The following ANO6 variants were observed in gnomAD, a reference collection of about 807,000 sequenced individuals.
ANO6 encodes the protein anoctamin-6.
In ANO6, 106 loss-of-function variants were observed where a neutral mutation model predicts 117.5. The ratio of observed to expected loss-of-function variants is 0.90; its 90% CI spans 0.77 to 1.06. The LOEUF (loss-of-function observed/expected upper bound fraction) is 1.06. ANO6 is among the 50% of genes least tolerant of loss of function. The pLI, the probability that ANO6 is intolerant of heterozygous loss-of-function variation, is 0.00. For synonymous variants in ANO6, 367 were observed against 385.1 expected (o/e 0.95, Z 0.55); for missense variants, 955 against 1,121.1 (o/e 0.85, Z 2.12).
chr12:45,274,915 T>C (rs1033773727), intron 1 of ANO6, among the ~76,000 whole-genome samples: 1 of 150,594 alleles, frequency 6.6e-6, no homozygotes, highest in African/African-American at 2.5e-5. Flanking sequence ...ACCCCTGACT[T>C]ATCTATCTAA....
chr12:45,377,901 C>T, intron 9 of ANO6, 152 bp from the exon 10 acceptor site: 1 of 748,736 alleles, frequency 1.3e-6, no homozygotes, highest in South Asian at 1.5e-5. Flanking sequence ...GTAGTGGATA[C>T]ATTGAATGAT....
chr12:45,330,336 G>A (rs2137397543), intron 2 of ANO6, among the ~76,000 whole-genome samples: 1 of 152,232 alleles, frequency 6.6e-6, no homozygotes, highest in African/African-American at 2.4e-5. Flanking sequence ...CGATAATGAA[G>A]AGGAGAATTA....
downstream of ANO6, among the ~76,000 whole-genome samples, chr12:45,435,797 A>G (rs956533192): frequency 6.6e-6 from 1 of 152,180 alleles, no homozygotes; most frequent in Non-Finnish European, 1.5e-5. Flanking sequence ...TGCCTATGAT[A>G]TGGGAAAAGA....
chr12:45,277,247 G>A (rs1938583258), intron 1 of ANO6, among the ~76,000 whole-genome samples: 1 of 152,140 alleles, frequency 6.6e-6, no homozygotes, highest in African/African-American at 2.4e-5. Flanking sequence ...TTCCACAGAT[G>A]AGCTATATAA....
chr12:45,241,553 C>G (rs965278795), intron 1 of ANO6, among the ~76,000 whole-genome samples: 6 of 152,304 alleles, frequency 3.9e-5, no homozygotes, highest in African/African-American at 1.2e-4. Context: ...CTACTTCTGT[C>G]AACTCGTCAA....
intron 1 of ANO6, among the ~76,000 whole-genome samples, chr12:45,268,357 C>T (rs1336971604): frequency 6.6e-6 from 1 of 151,814 alleles, no homozygotes; most frequent in Non-Finnish European, 1.5e-5. Flanking sequence ...CCCATCTCTA[C>T]AAAAATACAA....
rs143101456 is a variant in ANO6, at chr12:45,269,789, C to T, written c.71-32225C>T. Among the ~76,000 whole-genome samples, 369 of 152,250 alleles carry T rather than the reference C, an allele frequency of 2.4e-3. 5 individuals are homozygous for T. The highest frequency in any genetic ancestry group is 8.1e-3 in the East Asian group (42 of 5,180). On this transcript the variant is annotated intron_variant, in intron 1 of 19. Coordinates refer to ENST00000320560, the MANE Select transcript of ANO6 (RefSeq NM_001025356.3). ...CACACAGCCATGTGTGGTACAGTCC[C>T]GTTTAAGATCCTTCGGTGGCCTTTG...
At chr12:45,284,744 A>G (rs1276000089) in intron 1 of ANO6, among the ~76,000 whole-genome samples, 2 of 152,220 alleles carry the variant, frequency 1.3e-5, no homozygotes, top group East Asian at 3.9e-4. Context: ...TGCTTAGCTC[A>G]TCCTGCATGC....
intron 9 of ANO6, among the ~76,000 whole-genome samples, chr12:45,375,518 T>A (rs1173260273): frequency 4.3e-4 from 64 of 147,456 alleles, no homozygotes; most frequent in African/African-American, 9.6e-4. Context: ...TATAGATCAA[T>A]GGAACAGAAC....
intron 1 of ANO6, among the ~76,000 whole-genome samples, chr12:45,284,967 T>A (rs1357219354): frequency 6.6e-6 from 1 of 152,240 alleles, no homozygotes; most frequent in Non-Finnish European, 1.5e-5. Context: ...GTAATTAACA[T>A]GTTAAGTGCA....
At chr12:45,223,043 C>G (rs538946287) in intron 1 of ANO6, among the ~76,000 whole-genome samples, 1 of 152,202 alleles carries the variant, frequency 6.6e-6, no homozygotes, top group Admixed American at 6.5e-5. Flanking sequence ...CCTGGGAGGG[C>G]GTGAAAACTC....
intron 15 of ANO6, among the ~76,000 whole-genome samples, chr12:45,409,061 A>G (rs1266510053): frequency 6.6e-6 from 1 of 152,226 alleles, no homozygotes; most frequent in Non-Finnish European, 1.5e-5. Context: ...ATGAAAAAAC[A>G]AACAACTGAA....
chr12:45,347,146 C>T, intron 4 of ANO6, 59 bp downstream of exon 4: 2 of 1,520,048 alleles, frequency 1.3e-6, no homozygotes, highest in Admixed American at 3.3e-5. Flanking sequence ...AGCTTCGTGC[C>T]ACTTGGAATA....
intron 2 of ANO6, among the ~76,000 whole-genome samples, chr12:45,304,073 C>T (rs1939586791): frequency 2.0e-5 from 3 of 152,194 alleles, no homozygotes; most frequent in Non-Finnish European, 2.9e-5. Flanking sequence ...TTTCACACAT[C>T]TGATGCTCAT....
At chr12:45,227,135 C>G (rs1345518240) in intron 1 of ANO6, among the ~76,000 whole-genome samples, 2 of 151,852 alleles carry the variant, frequency 1.3e-5, no homozygotes, top group Non-Finnish European at 2.9e-5. Flanking sequence ...ATTACAGGTG[C>G]ACGCCACCAT....
chr12:45,250,914 A>G (rs1947891822), intron 1 of ANO6, among the ~76,000 whole-genome samples: 1 of 151,982 alleles, frequency 6.6e-6, no homozygotes. Flanking sequence ...GAGTTCATAT[A>G]ATAACAAAAT....
At chr12:45,332,010 C>G (rs1423469897) in intron 3 of ANO6, among the ~76,000 whole-genome samples, 1 of 151,968 alleles carries the variant, frequency 6.6e-6, no homozygotes, top group African/African-American at 2.4e-5. Flanking sequence ...CTGTTACCTC[C>G]CTTTCATTCA....
At chr12:45,257,250 T>C (rs1304950647) in intron 1 of ANO6, among the ~76,000 whole-genome samples, 3 of 152,178 alleles carry the variant, frequency 2.0e-5, no homozygotes, top group Admixed American at 6.5e-5. Context: ...ACACTTGCAG[T>C]TTCAGATCTG....
intron 1 of ANO6, among the ~76,000 whole-genome samples, chr12:45,261,113 C>T (rs1340734439): frequency 1.3e-5 from 2 of 152,046 alleles, no homozygotes; most frequent in South Asian, 2.1e-4. Context: ...AGCCACCATG[C>T]CAGGTGTGAA....
Sources: gnomAD v4.1 joint callset for allele counts (sites outside exome capture counted in the v4.1 genomes callset) on GRCh38, gnomAD v4.1.1 for gene constraint, MANE v1.5 for transcripts, NCBI Gene and HGNC (gene_info 2026-07-23, HGNC 2026-07-21) for gene names.